PTPRO: variants seen among roughly 807,000 people sequenced by gnomAD.
The protein encoded by PTPRO is protein tyrosine phosphatase receptor type O, also known as receptor-type tyrosine-protein phosphatase O.
In PTPRO, 62 loss-of-function variants were observed where a neutral mutation model predicts 145.2. The ratio of observed to expected loss-of-function variants is 0.43; its 90% CI spans 0.35 to 0.53. The LOEUF is 0.53. Ranked by LOEUF, PTPRO falls within the 20% of genes least tolerant of loss-of-function variation. The pLI, the probability that PTPRO is intolerant of heterozygous loss-of-function variation, is 0.01. For missense variants in PTPRO, 1,345 were observed against 1,482.7 expected (o/e 0.91, Z 1.53); for synonymous variants, 565 against 514.7 (o/e 1.10, Z -1.32).
At chr12:15,400,489 C>G (rs918047138) in intron 1 of PTPRO, among the ~76,000 whole-genome samples, 2 of 152,156 alleles carry the variant, frequency 1.3e-5, no homozygotes, top group Admixed American at 6.5e-5. Context: ...ATTCCGTTGG[C>G]CTAGAACATG....
At chr12:15,542,420 G>T (rs142044138) in intron 12 of PTPRO, among the ~76,000 whole-genome samples, 1 of 152,170 alleles carries the variant, frequency 6.6e-6, no homozygotes, top group Non-Finnish European at 1.5e-5. Context: ...GGCAGCATGC[G>T]GCCTACGGGC....
chr12:15,578,094 T>C (rs1227489078), intron 19 of PTPRO, among the ~76,000 whole-genome samples: 1 of 152,230 alleles, frequency 6.6e-6, no homozygotes, highest in Non-Finnish European at 1.5e-5. Context: ...GATCCATCTT[T>C]ATGTTTGAGG....
Position 15,322,553 on chromosome 12 carries a change from G to C in PTPRO, c.-174G>C. 1 of 674,346 alleles carries C rather than the reference G, an allele frequency of 1.5e-6. No homozygotes were observed. Among genetic ancestry groups the C allele is most frequent in the South Asian group, 1.6e-5 (1 of 62,982 alleles). 41.8% of individuals were successfully genotyped at this position (674,346 alleles called of 1,614,324 possible). A position where few individuals can be genotyped will look rare whatever the true frequency, so the allele number is the denominator to read the frequency against. Reference sequence around the variant, plus strand: ...GCCTGGCACGTTCTTGGAGGACCCCGGGCGCAGAGGAGGAAAGGGAGCAGG... The same window carrying C: ...GCCTGGCACGTTCTTGGAGGACCCCCGGCGCAGAGGAGGAAAGGGAGCAGG... On this transcript the variant is annotated 5_prime_UTR_variant, in exon 1 of 27. Transcript: ENST00000281171. The surrounding 1 kb of genome is among the most constrained non-coding windows in gnomAD (Gnocchi z 6.3).
intron 10 of PTPRO, 80 bp downstream of exon 10, chr12:15,520,392 G>A (rs980561318): frequency 9.6e-7 from 1 of 1,039,152 alleles, no homozygotes; most frequent in Admixed American, 1.7e-5. Flanking sequence ...TCTCTAGAAA[G>A]TGCCAGTCAT....
chr12:15,484,372 G>C, intron 2 of PTPRO, 125 bp downstream of exon 2: 1 of 1,043,704 alleles, frequency 9.6e-7, no homozygotes. Context: ...AAGTGACGTA[G>C]ATTCAAAGTT....
intron 1 of PTPRO, among the ~76,000 whole-genome samples, chr12:15,460,339 T>G (rs1418232895): frequency 6.6e-6 from 1 of 152,214 alleles, no homozygotes; most frequent in African/African-American, 2.4e-5. Context: ...TGATTTCATA[T>G]GCCTTTTTGT....
At chr12:15,434,977 G>A (rs1210966275) in intron 1 of PTPRO, among the ~76,000 whole-genome samples, 2 of 152,164 alleles carry the variant, frequency 1.3e-5, no homozygotes, top group African/African-American at 4.8e-5. Flanking sequence ...TAGCATCTCT[G>A]CTGCAGGGCG....
chr12:15,581,652 TA>T, intron 22 of PTPRO, 26 bp from the exon 23 acceptor site: 1 of 1,612,546 alleles, frequency 6.2e-7, no homozygotes, highest in Non-Finnish European at 8.5e-7. Flanking sequence ...CTGTTTGTTT[TA>T]AAAAATTGTT....
chr12:15,503,879 G>A (rs573036541), intron 5 of PTPRO, 29 bp from the exon 6 acceptor site: 26 of 1,531,078 alleles, frequency 1.7e-5, no homozygotes, highest in Non-Finnish European at 1.5e-5. Context: ...GTCTATTCAT[G>A]TATCTTCTCT....
At chr12:15,372,316 C>A (rs1157272139) in intron 1 of PTPRO, among the ~76,000 whole-genome samples, 2 of 152,128 alleles carry the variant, frequency 1.3e-5, no homozygotes, top group South Asian at 4.1e-4. Flanking sequence ...CTAGAAAGAG[C>A]TTTCCTCTTT....
intron 1 of PTPRO, among the ~76,000 whole-genome samples, chr12:15,473,456 C>T (rs1331755892): frequency 6.6e-6 from 1 of 152,140 alleles, no homozygotes; most frequent in African/African-American, 2.4e-5. Flanking sequence ...GTTAGTTAAA[C>T]AAATGTTTAT....
chr12:15,568,141 A>G (rs1198921239), intron 18 of PTPRO, among the ~76,000 whole-genome samples: 3 of 152,176 alleles, frequency 2.0e-5, no homozygotes, highest in Non-Finnish European at 4.4e-5. Flanking sequence ...ACATAAGACC[A>G]CAGTTAGGCC....
At chr12:15,538,432 T>C (rs1943111179) in intron 12 of PTPRO, among the ~76,000 whole-genome samples, 1 of 152,050 alleles carries the variant, frequency 6.6e-6, no homozygotes, top group South Asian at 2.1e-4. Flanking sequence ...ACCATTTTGG[T>C]CAGGCTGGTC....
chr12:15,542,121 T>C (rs889512063), intron 12 of PTPRO, among the ~76,000 whole-genome samples: 3 of 152,190 alleles, frequency 2.0e-5, no homozygotes, highest in Admixed American at 6.5e-5. Context: ...GCAATCAAAA[T>C]GCCTTTGATG....
chr12:15,346,334 T>C (rs1867210748), intron 1 of PTPRO: 1 of 152,258 alleles, frequency 6.6e-6, no homozygotes, highest in Non-Finnish European at 1.5e-5. Flanking sequence ...ACTTAAGTTT[T>C]CAAAATGCTA....
chr12:15,352,671 A>G (rs1937849598), intron 1 of PTPRO, among the ~76,000 whole-genome samples: 2 of 150,984 alleles, frequency 1.3e-5, no homozygotes, highest in African/African-American at 4.9e-5. Context: ...AAAAAAAAGA[A>G]AGAAAGAAAG....
At chr12:15,412,621 C>A (rs1939830959) in intron 1 of PTPRO, among the ~76,000 whole-genome samples, 1 of 152,096 alleles carries the variant, frequency 6.6e-6, no homozygotes, top group African/African-American at 2.4e-5. Context: ...TATTTTGTAT[C>A]TTCTTATAAA....
intron 9 of PTPRO, among the ~76,000 whole-genome samples, chr12:15,518,031 G>GC (rs61370274): frequency 1 from 152,366 of 152,368 alleles, 76,182 homozygotes; most frequent in Non-Finnish European, 1. Flanking sequence ...CTTTTACATT[G>GC]CCTAGCAGAG....
chr12:15,582,604 G>A (rs1398627827), intron 23 of PTPRO, among the ~76,000 whole-genome samples: 3 of 152,154 alleles, frequency 2.0e-5, no homozygotes, highest in Non-Finnish European at 4.4e-5. Context: ...GGACAGAAGT[G>A]TTCTCATTAC....
Sources: gnomAD v4.1 joint callset for allele counts (sites outside exome capture counted in the v4.1 genomes callset) on GRCh38, gnomAD v4.1.1 for gene constraint, Gnocchi (gnomAD v3.1) non-coding constraint, MANE v1.5 for transcripts, NCBI Gene and HGNC (gene_info 2026-07-23, HGNC 2026-07-21) for gene names.